The following ERC2 variants were observed in gnomAD, a reference collection of about 807,000 sequenced individuals.
ERC2 encodes ERC protein 2.
ERC2 carries 42 observed loss-of-function variants against 114.8 expected under a neutral mutation model. The observed-to-expected ratio is 0.37, with a 90% CI of 0.29 to 0.47. ERC2 has a LOEUF of 0.47. Ranked by LOEUF, ERC2 falls within the 20% of genes least tolerant of loss-of-function variation. ERC2 has a pLI of 0.99. For missense variants in ERC2, 939 were observed against 1,150.7 expected (o/e 0.82, Z 2.66); for synonymous variants, 454 against 425.5 (o/e 1.07, Z -0.82).
Position 55,680,827 on chromosome 3 carries a change from G to C in ERC2, c.*39+2967C>G, listed in dbSNP as rs141781614. ...GTGGATGATCCAACAGGGAGGGGGA[G>C]TATAAAGAGAATTGGGAAGCAGAAT... is the stretch of plus-strand genomic sequence containing the variant. On this transcript the variant is annotated intron_variant, in intron 17 of 17. Coordinates refer to ENST00000288221, the MANE Select transcript of ERC2 (RefSeq NM_015576.3). Among the ~76,000 whole-genome samples, 1,023 of 152,302 alleles carry C rather than the reference G, an allele frequency of 6.7e-3. 39 individuals are homozygous for C. The highest frequency in any genetic ancestry group is 0.059 in the Admixed American group (901 of 15,296).
At chr3:56,066,906 A>G (rs573749493) in intron 7 of ERC2, among the ~76,000 whole-genome samples, 17 of 152,250 alleles carry the variant, frequency 1.1e-4, no homozygotes, top group African/African-American at 4.1e-4. Context: ...CCATTGGTCT[A>G]TGTGTCTGTT....
chr3:55,737,952 G>T (rs908834807), intron 14 of ERC2, among the ~76,000 whole-genome samples: 2 of 152,142 alleles, frequency 1.3e-5, no homozygotes, highest in African/African-American at 4.8e-5. Context: ...AAAATATTCA[G>T]ATTCTCTAAT....
intron 4 of ERC2, among the ~76,000 whole-genome samples, chr3:56,151,268 T>C (rs759065993): frequency 9.2e-5 from 14 of 152,122 alleles, no homozygotes; most frequent in Non-Finnish European, 2.1e-4. Context: ...GGTTTCACCA[T>C]GTTGGCCAGG....
chr3:56,071,623 T>C (rs887810776), intron 7 of ERC2, among the ~76,000 whole-genome samples: 1 of 152,194 alleles, frequency 6.6e-6, no homozygotes, highest in African/African-American at 2.4e-5. Flanking sequence ...AATGGATGAA[T>C]GAATGGGCAG....
intron 17 of ERC2, among the ~76,000 whole-genome samples, chr3:55,541,209 G>A (rs2107341877): frequency 6.6e-6 from 1 of 152,276 alleles, no homozygotes; most frequent in Non-Finnish European, 1.5e-5. Context: ...ACCACCATCT[G>A]TTATGCAAGC....
At chr3:56,107,145 A>C (rs1299517937) in intron 6 of ERC2, among the ~76,000 whole-genome samples, 1 of 152,134 alleles carries the variant, frequency 6.6e-6, no homozygotes, top group Non-Finnish European at 1.5e-5. Flanking sequence ...AAAGGCCAAG[A>C]TATTGAAGGG....
intron 13 of ERC2, among the ~76,000 whole-genome samples, chr3:55,923,736 C>T (rs998991224): frequency 2.0e-5 from 3 of 152,106 alleles, no homozygotes; most frequent in African/African-American, 7.2e-5. Context: ...CAATTCATGC[C>T]TTTAAATTTT....
chr3:56,328,489 T>A (rs1462161751), intron 2 of ERC2, among the ~76,000 whole-genome samples: 1 of 152,198 alleles, frequency 6.6e-6, no homozygotes, highest in Non-Finnish European at 1.5e-5. Flanking sequence ...GCATGTGATA[T>A]CTTACACCCA....
intron 3 of ERC2, among the ~76,000 whole-genome samples, chr3:56,221,647 G>A (rs756384661): frequency 6.6e-6 from 1 of 152,222 alleles, no homozygotes; most frequent in Non-Finnish European, 1.5e-5. Context: ...GCTCACGCCT[G>A]TAATCCCAGC....
chr3:55,539,229 A>C (rs2054202976), intron 17 of ERC2, among the ~76,000 whole-genome samples: 1 of 152,138 alleles, frequency 6.6e-6, no homozygotes, highest in Admixed American at 6.5e-5. Context: ...GGAACTTCGC[A>C]TGGCTTCAGA....
At position 56,018,879 on chromosome 3, in the gene ERC2, T is replaced by C. The variant is rs1227885461; in HGVS notation, c.1779+15A>G. On this transcript the variant is annotated intron_variant, in intron 8 of 17. Coordinates refer to ENST00000288221, the MANE Select transcript of ERC2 (RefSeq NM_015576.3). ...CCCCATATCCTGATTCCCCAGTTTT[T>C]GAGTGCATGCTCACCTTCTCTGACA... 2 of 1,606,870 alleles carry C rather than the reference T, an allele frequency of 1.2e-6. No individual in the cohort carries two copies. The highest frequency in any genetic ancestry group is 1.7e-6 in the Non-Finnish European group (2 of 1,177,442).
intron 17 of ERC2, among the ~76,000 whole-genome samples, chr3:55,552,629 TG>T: frequency 7.0e-6 from 1 of 143,504 alleles, no homozygotes; most frequent in East Asian, 2.0e-4. Context: ...CCAGAGAATT[TG>T]GAAAAAAGGA....
At chr3:55,997,926 T>TG (rs2071708681) in intron 10 of ERC2, among the ~76,000 whole-genome samples, 1 of 67,508 alleles carries the variant, frequency 1.5e-5, no homozygotes, top group South Asian at 6.0e-4. Flanking sequence ...GTGTGTGTTT[T>TG]TTGTTTTTTT....
chr3:55,655,017 T>TGTGGCCTGTGGCAG (rs2060796197), intron 17 of ERC2, among the ~76,000 whole-genome samples: 2 of 152,202 alleles, frequency 1.3e-5, no homozygotes, highest in African/African-American at 4.8e-5. Flanking sequence ...TATACAGGCC[T>TGTGGCCTGTGGCAG]GTGGCAGGTG....
chr3:56,416,311 T>G (rs2061152283), intron 2 of ERC2, among the ~76,000 whole-genome samples: 1 of 152,112 alleles, frequency 6.6e-6, no homozygotes, highest in South Asian at 2.1e-4. Context: ...CCAAAGCTGA[T>G]CTGTCTCCCT....
chr3:56,355,198 T>C (rs536600230), intron 2 of ERC2, among the ~76,000 whole-genome samples: 25 of 152,348 alleles, frequency 1.6e-4, no homozygotes, highest in African/African-American at 5.3e-4. Flanking sequence ...TGAGCCCCTG[T>C]TGTTTGTTAG....
In ERC2 at chr3:56,399,748, A is replaced by G. The variant is rs1304579435; in HGVS notation, c.657+34603T>C. 4.0e-5 allele frequency among the ~76,000 whole-genome samples: 6 copies of G among 150,792 alleles called. No homozygotes were observed. The East Asian group carries it at 1.2e-3, about 29-fold the overall frequency. The stretch of plus-strand genomic sequence containing the variant: ...CTGAAGAAATAACTTTCCAAAATTT[A>G]GCACAAACCTCTCCCATGAAAAAAA... On this transcript the variant is annotated intron_variant, in intron 2 of 17. Transcript: ENST00000288221.
At chr3:55,911,869 T>C (rs1202599040) in intron 13 of ERC2, among the ~76,000 whole-genome samples, 1 of 152,232 alleles carries the variant, frequency 6.6e-6, no homozygotes, top group Non-Finnish European at 1.5e-5. Context: ...GAATGGTCTC[T>C]CTTGTTCCAC....
intron 2 of ERC2, among the ~76,000 whole-genome samples, chr3:56,371,911 C>T (rs73073905): frequency 0.033 from 5,083 of 152,282 alleles, 180 homozygotes; most frequent in African/African-American, 0.081. Context: ...CTTCTGTATA[C>T]GCTATTGTTT....
Sources: gnomAD v4.1 joint callset for allele counts (sites outside exome capture counted in the v4.1 genomes callset) on GRCh38, gnomAD v4.1.1 for gene constraint, MANE v1.5 for transcripts, NCBI Gene and HGNC (gene_info 2026-07-23, HGNC 2026-07-21) for gene names.